The following CNTNAP2 variants were observed in gnomAD, a reference collection of about 807,000 sequenced individuals.
CNTNAP2 encodes the protein contactin associated protein 2, also known as contactin-associated protein-like 2.
Under a neutral mutation model 155.2 loss-of-function variants are expected in CNTNAP2, and 98 were observed. That is an observed-to-expected ratio of 0.63 (90% CI 0.54 to 0.75). CNTNAP2 has a LOEUF of 0.75. Among genes scored for constraint, CNTNAP2 ranks in the 30% least tolerant of loss-of-function variants. CNTNAP2 has a pLI of 0.00. For synonymous variants in CNTNAP2, 651 were observed against 631.2 expected (o/e 1.03, Z -0.47); for missense variants, 1,727 against 1,688.1 (o/e 1.02, Z -0.40).
At chr7:146,728,599 AT>A (rs375924355) in intron 1 of CNTNAP2, among the ~76,000 whole-genome samples, 1,388 of 138,702 alleles carry the variant, frequency 0.01, 26 homozygotes, top group African/African-American at 0.041. Context: ...AATATACACA[AT>A]TTTTAGGCTG....
In CNTNAP2 at chr7:147,394,674, A is replaced by G. The variant is rs1030012267; in HGVS notation, c.1499-935A>G. ...CCATAATGGGTGTTTCTATCCAATT[A>G]TGCATGTTTCTCTTAAAAAGATATA... On this transcript the variant is annotated intron_variant, in intron 9 of 23. Transcript: ENST00000361727. Among the ~76,000 whole-genome samples the G allele has an allele frequency of 2.0e-5, 3 of 151,956 alleles. No homozygotes were observed. In the East Asian group the frequency reaches 5.8e-4, roughly 29 times the overall value.
intron 21 of CNTNAP2, among the ~76,000 whole-genome samples, chr7:148,365,289 A>G (rs1798715913): frequency 1.3e-5 from 2 of 152,170 alleles, no homozygotes; most frequent in African/African-American, 2.4e-5. Flanking sequence ...CATTTTGCTT[A>G]TTGCTCAACT....
chr7:146,317,636 A>G (rs1304619251), intron 1 of CNTNAP2, among the ~76,000 whole-genome samples: 1 of 152,214 alleles, frequency 6.6e-6, no homozygotes, highest in Non-Finnish European at 1.5e-5. Flanking sequence ...TCCATTTTCT[A>G]CAAGTTAAAA....
At chr7:146,186,715 T>C (rs1040623771) in intron 1 of CNTNAP2, among the ~76,000 whole-genome samples, 1 of 152,152 alleles carries the variant, frequency 6.6e-6, no homozygotes, top group African/African-American at 2.4e-5. Flanking sequence ...TCTAATATTA[T>C]GGAAGACAAA....
intron 1 of CNTNAP2, among the ~76,000 whole-genome samples, chr7:146,745,135 AAAC>A (rs953872628): frequency 2.0e-5 from 3 of 152,156 alleles, no homozygotes; most frequent in Non-Finnish European, 4.4e-5. Context: ...TGGTTTTAGA[AAAC>A]AACAACAACC....
chr7:146,810,856 A>T (rs1213844057), intron 2 of CNTNAP2, among the ~76,000 whole-genome samples: 2 of 152,142 alleles, frequency 1.3e-5, no homozygotes, highest in Non-Finnish European at 2.9e-5. Context: ...AGAACTTTTA[A>T]TTTTGTTAAA....
At chr7:147,682,818 C>T (rs1028921137) in intron 13 of CNTNAP2, among the ~76,000 whole-genome samples, 19 of 151,932 alleles carry the variant, frequency 1.3e-4, no homozygotes, top group Non-Finnish European at 2.7e-4. Flanking sequence ...CAGCAAGCAA[C>T]AGATAAAAGA....
intron 8 of CNTNAP2, among the ~76,000 whole-genome samples, chr7:147,299,556 CA>C (rs1354490026): frequency 6.6e-6 from 1 of 151,828 alleles, no homozygotes; most frequent in Non-Finnish European, 1.5e-5. Flanking sequence ...TACACATGCA[CA>C]GTTATTATTT....
chr7:148,176,439 G>A (rs959838509), intron 18 of CNTNAP2, among the ~76,000 whole-genome samples: 5 of 151,526 alleles, frequency 3.3e-5, no homozygotes, highest in Non-Finnish European at 5.9e-5. Context: ...GGCTAGTCTC[G>A]AACTCCTGAC....
intron 18 of CNTNAP2, among the ~76,000 whole-genome samples, chr7:148,211,960 A>G (rs1438817046): frequency 6.6e-6 from 1 of 152,246 alleles, no homozygotes; most frequent in Non-Finnish European, 1.5e-5. Context: ...TAGGAAAGTT[A>G]GAAAACAAAA....
At chr7:147,503,545 C>T (rs1298067621) in intron 11 of CNTNAP2, among the ~76,000 whole-genome samples, 2 of 152,088 alleles carry the variant, frequency 1.3e-5, no homozygotes, top group Non-Finnish European at 2.9e-5. Context: ...TTATGCCATC[C>T]CCTAACCTGC....
chr7:146,869,404 G>T (rs146629754), intron 3 of CNTNAP2, among the ~76,000 whole-genome samples: 1 of 152,098 alleles, frequency 6.6e-6, no homozygotes, highest in African/African-American at 2.4e-5. Flanking sequence ...TTTTTGATGT[G>T]CTGCTGGTCT....
At chr7:148,356,651 G>A (rs933673397) in intron 21 of CNTNAP2, among the ~76,000 whole-genome samples, 14 of 152,138 alleles carry the variant, frequency 9.2e-5, no homozygotes, top group Non-Finnish European at 1.9e-4. Flanking sequence ...ACATTTGTCA[G>A]CATTTCCTTC....
intron 1 of CNTNAP2, among the ~76,000 whole-genome samples, chr7:146,160,923 C>A (rs1562972006): frequency 6.6e-6 from 1 of 152,158 alleles, no homozygotes. Context: ...AGACCAATAT[C>A]TCTGATGAAT....
intron 13 of CNTNAP2, among the ~76,000 whole-genome samples, chr7:147,771,565 C>T (rs1317943591): frequency 6.6e-6 from 1 of 152,094 alleles, no homozygotes; most frequent in Admixed American, 6.6e-5. Flanking sequence ...TCTTGTTGGC[C>T]TTCCACATAG....
chr7:147,125,493 A>G (rs888620783), intron 6 of CNTNAP2, among the ~76,000 whole-genome samples: 8 of 152,202 alleles, frequency 5.3e-5, no homozygotes, highest in African/African-American at 1.9e-4. Context: ...CAGCGTAGTC[A>G]ATAAAAACCA....
chr7:147,658,242 G>A (rs1452280014), intron 13 of CNTNAP2, among the ~76,000 whole-genome samples: 1 of 93,116 alleles, frequency 1.1e-5, no homozygotes, highest in Non-Finnish European at 2.2e-5. Context: ...GGGAGACAGA[G>A]CGAGACTCCG....
chr7:147,626,557 A>G (rs905214642), intron 12 of CNTNAP2, among the ~76,000 whole-genome samples: 1 of 152,142 alleles, frequency 6.6e-6, no homozygotes, highest in Non-Finnish European at 1.5e-5. Flanking sequence ...GTAGCTGATT[A>G]CAAAAGATAA....
At chr7:148,239,300 G>A (rs1796102085) in intron 20 of CNTNAP2, among the ~76,000 whole-genome samples, 3 of 152,120 alleles carry the variant, frequency 2.0e-5, no homozygotes, top group Admixed American at 2.0e-4. Flanking sequence ...TTTAATGAAC[G>A]ACTGACATGT....
Sources: allele counts gnomAD v4.1 joint callset (sites outside exome capture counted in the v4.1 genomes callset), GRCh38; gene constraint gnomAD v4.1.1; transcripts MANE v1.5; gene names NCBI Gene and HGNC (gene_info 2026-07-23, HGNC 2026-07-21).